Variants in STXBP6 observed in about 807,000 individuals in gnomAD.
STXBP6 encodes the protein syntaxin binding protein 6, also known as syntaxin-binding protein 6.
In STXBP6, 21 loss-of-function variants were observed where a neutral mutation model predicts 26.9. That is an observed-to-expected ratio of 0.78 (90% CI 0.55 to 1.12). The LOEUF (loss-of-function observed/expected upper bound fraction) is 1.12, where lower values mean the gene tolerates loss of function less well. Ranked by LOEUF, STXBP6 falls within the 50% of genes most tolerant of loss-of-function variation. STXBP6 has a pLI of 0.00. For missense variants in STXBP6, 232 were observed against 257.9 expected, an observed-to-expected ratio of 0.90 and a Z score of 0.69; for synonymous variants, 97 against 92.6, an observed-to-expected ratio of 1.05 and a Z score of -0.27.
At position 24,936,199 on chromosome 14, in the gene STXBP6, A is replaced by G. The variant is rs1453533093; in HGVS notation, c.154+38466T>C. Among the ~76,000 whole-genome samples, 4 of 151,886 alleles carry G rather than the reference A, an allele frequency of 2.6e-5. No homozygotes were observed. In the East Asian group the frequency reaches 7.7e-4, roughly 29 times the overall value. On this transcript the variant is annotated intron_variant, in intron 2 of 5. Transcript: ENST00000323944. ...GCTTGCTTTGCTCCATTAGTCCCAG[A>G]CTCTACTTGAACACTTGCTGTTTGC...
intron 1 of STXBP6, among the ~76,000 whole-genome samples, chr14:25,017,316 G>A (rs745786070): frequency 6.6e-6 from 1 of 152,200 alleles, no homozygotes; most frequent in Non-Finnish European, 1.5e-5. Context: ...GACCACCCAT[G>A]TCATACTGTG....
chr14:25,024,701 G>T (rs2075318040), intron 1 of STXBP6, among the ~76,000 whole-genome samples: 1 of 152,122 alleles, frequency 6.6e-6, no homozygotes, highest in South Asian at 2.1e-4. Flanking sequence ...AATACTGCTA[G>T]CATAAATAGC....
intron 2 of STXBP6, among the ~76,000 whole-genome samples, chr14:24,906,588 T>C (rs1004410723): frequency 2.0e-5 from 3 of 152,208 alleles, no homozygotes; most frequent in Non-Finnish European, 4.4e-5. Flanking sequence ...TTTAAAGGAT[T>C]GTTTTGTTAT....
At chr14:25,012,222 G>A (rs2075047972) in intron 1 of STXBP6, among the ~76,000 whole-genome samples, 1 of 152,216 alleles carries the variant, frequency 6.6e-6, no homozygotes, top group South Asian at 2.1e-4. Flanking sequence ...CATAAAAGAT[G>A]AGCCTAGAAT....
At chr14:25,027,312 T>G (rs2075367064) in intron 1 of STXBP6, among the ~76,000 whole-genome samples, 1 of 150,674 alleles carries the variant, frequency 6.6e-6, no homozygotes, top group Non-Finnish European at 1.5e-5. Flanking sequence ...TTGATAATTT[T>G]GCAATATTTA....
At chr14:24,821,162 T>C (rs2068122281) in intron 4 of STXBP6, among the ~76,000 whole-genome samples, 1 of 152,172 alleles carries the variant, frequency 6.6e-6, no homozygotes, top group Non-Finnish European at 1.5e-5. Flanking sequence ...CCTCCTTCCA[T>C]ATATTCACAG....
At chr14:24,881,167 A>G (rs1315518502) in intron 2 of STXBP6, among the ~76,000 whole-genome samples, 1 of 151,324 alleles carries the variant, frequency 6.6e-6, no homozygotes, top group Non-Finnish European at 1.5e-5. Context: ...GAACTTTGGG[A>G]AAGGCTCAGG....
At chr14:24,890,138 C>A (rs865953118) in intron 2 of STXBP6, among the ~76,000 whole-genome samples, 1 of 152,248 alleles carries the variant, frequency 6.6e-6, no homozygotes, top group Non-Finnish European at 1.5e-5. Flanking sequence ...TGCTTCTTGA[C>A]CTCACAGAGC....
chr14:24,873,038 T>C (rs954726733), intron 2 of STXBP6, among the ~76,000 whole-genome samples: 5 of 152,338 alleles, frequency 3.3e-5, no homozygotes, highest in Non-Finnish European at 7.4e-5. Context: ...TAGGTTAAGC[T>C]GTTTTTGTAC....
intron 2 of STXBP6, among the ~76,000 whole-genome samples, chr14:24,966,194 T>C (rs1180142195): frequency 6.6e-6 from 1 of 152,090 alleles, no homozygotes; most frequent in Non-Finnish European, 1.5e-5. Context: ...TTCCATCTGG[T>C]TTTAGTATTG....
Position 24,810,865 on chromosome 14 carries a change from C to CTGTGTGTGTGTGTGTGTGTGTGTGTGTG in STXBP6, c.*1816_*1843dup, listed in dbSNP as rs3219695. The CTGTGTGTGTGTGTGTGTGTGTGTGTGTG allele has an allele frequency of 1.4e-4, 19 of 137,668 alleles. No homozygotes were observed. Among genetic ancestry groups the CTGTGTGTGTGTGTGTGTGTGTGTGTGTG allele is most frequent in the African/African-American group, 5.2e-4 (19 of 36,346 alleles). 8.5% of individuals were successfully genotyped at this position (137,668 alleles called of 1,614,324 possible). On this transcript the variant is annotated 3_prime_UTR_variant, in exon 6 of 6. Coordinates refer to ENST00000323944, the MANE Select transcript of STXBP6 (RefSeq NM_001394410.1). ...CCAATTTGGAAAGATAAATACATCT[C>CTGTGTGTGTGTGTGTGTGTGTGTGTGTG]TGTGTGTGTGTGTGTGTGTGTGTGT...
intron 1 of STXBP6, among the ~76,000 whole-genome samples, chr14:25,012,960 C>T (rs1331173401): frequency 6.6e-6 from 1 of 152,110 alleles, no homozygotes; most frequent in Non-Finnish European, 1.5e-5. Flanking sequence ...TGGAAGGTGG[C>T]TTATGCCTGT....
chr14:25,005,344 A>G (rs1364846544), intron 1 of STXBP6, among the ~76,000 whole-genome samples: 2 of 152,206 alleles, frequency 1.3e-5, no homozygotes, highest in Non-Finnish European at 2.9e-5. Flanking sequence ...GAAATAATTC[A>G]AAAGGGGAAC....
intron 1 of STXBP6, among the ~76,000 whole-genome samples, chr14:24,983,245 C>T (rs918372145): frequency 1.3e-5 from 2 of 152,132 alleles, no homozygotes; most frequent in Non-Finnish European, 2.9e-5. Flanking sequence ...TTAAAAAGAG[C>T]TCAACTTTTT....
chr14:25,024,443 A>C (rs2140438214), intron 1 of STXBP6, among the ~76,000 whole-genome samples: 1 of 152,302 alleles, frequency 6.6e-6, no homozygotes, highest in East Asian at 1.9e-4. Context: ...TCCAAAGTTA[A>C]AGGTAGTAAG....
chr14:24,855,741 A>G (rs2069305129), intron 4 of STXBP6, among the ~76,000 whole-genome samples, 195 bp downstream of exon 4: 1 of 152,132 alleles, frequency 6.6e-6, no homozygotes, highest in Non-Finnish European at 1.5e-5. Context: ...CTTTTGGACA[A>G]GAGTGAAAAC....
At chr14:24,900,375 GAA>G (rs1387554183) in intron 2 of STXBP6, among the ~76,000 whole-genome samples, 2 of 152,132 alleles carry the variant, frequency 1.3e-5, no homozygotes, top group Non-Finnish European at 2.9e-5. Flanking sequence ...GACTCCAACA[GAA>G]CTCTCTGAAC....
At chr14:24,909,516 C>G (rs571663390) in intron 2 of STXBP6, among the ~76,000 whole-genome samples, 19 of 151,974 alleles carry the variant, frequency 1.3e-4, no homozygotes, top group Non-Finnish European at 2.8e-4. Flanking sequence ...CATGGTGGTT[C>G]GTGCCTGTAA....
chr14:25,010,105 T>C (rs1239928526), intron 1 of STXBP6, among the ~76,000 whole-genome samples: 1 of 152,198 alleles, frequency 6.6e-6, no homozygotes, highest in Non-Finnish European at 1.5e-5. Flanking sequence ...AGATTCCAGC[T>C]CAACATGCAT....
Sources: allele counts gnomAD v4.1 joint callset (sites outside exome capture counted in the v4.1 genomes callset), GRCh38; gene constraint gnomAD v4.1.1; transcripts MANE v1.5; gene names NCBI Gene and HGNC (gene_info 2026-07-23, HGNC 2026-07-21).